PRKCA: variants seen among roughly 807,000 people sequenced by gnomAD.
PRKCA encodes the protein protein kinase C alpha.
Under a neutral mutation model 87.0 loss-of-function variants are expected in PRKCA, and 27 were observed. That is an observed-to-expected ratio of 0.31 (90% CI 0.23 to 0.43). The LOEUF is 0.43. Ranked by LOEUF, PRKCA falls within the 20% of genes least tolerant of loss-of-function variation. The pLI is 1.00. For synonymous variants in PRKCA, 329 were observed against 311.1 expected, an observed-to-expected ratio of 1.06 and a Z score of -0.61; for missense variants, 518 against 852.3, an observed-to-expected ratio of 0.61 and a Z score of 4.88.
At chr17:66,581,222 C>A (rs183315061) in intron 3 of PRKCA, among the ~76,000 whole-genome samples, 17 of 152,292 alleles carry the variant, frequency 1.1e-4, no homozygotes, top group African/African-American at 3.8e-4. Context: ...CAAGGGCCAG[C>A]TAGTAAATAT....
intron 2 of PRKCA, among the ~76,000 whole-genome samples, chr17:66,450,872 G>A (rs961940898): frequency 6.6e-6 from 1 of 152,142 alleles, no homozygotes; most frequent in African/African-American, 2.4e-5. Context: ...AAACATTTTG[G>A]TTTTTAACTT....
At chr17:66,344,087 A>G (rs1271288940) in intron 2 of PRKCA, among the ~76,000 whole-genome samples, 1 of 152,180 alleles carries the variant, frequency 6.6e-6, no homozygotes, top group Non-Finnish European at 1.5e-5. Context: ...ACCACTGACT[A>G]AGTATGTTCA....
chr17:66,461,436 T>C (rs1914849522), intron 2 of PRKCA, among the ~76,000 whole-genome samples: 1 of 152,118 alleles, frequency 6.6e-6, no homozygotes. Flanking sequence ...TGTTCTATAG[T>C]GGAGTGCCCG....
intron 3 of PRKCA, among the ~76,000 whole-genome samples, chr17:66,501,354 C>G (rs1373742327): frequency 3.3e-5 from 5 of 152,202 alleles, no homozygotes; most frequent in Admixed American, 6.5e-5. Context: ...CAAGGGTCCT[C>G]TGCCCCTTCT....
intron 3 of PRKCA, among the ~76,000 whole-genome samples, chr17:66,542,769 T>G (rs1968025662): frequency 6.6e-6 from 1 of 152,222 alleles, no homozygotes; most frequent in South Asian, 2.1e-4. Flanking sequence ...ATCTTGCTAT[T>G]AATGAGAAAG....
intron 4 of PRKCA, 90 bp from the exon 5 acceptor site, chr17:66,645,293 C>A: frequency 6.4e-7 from 1 of 1,571,550 alleles, no homozygotes; most frequent in Non-Finnish European, 8.7e-7. Context: ...GGGGGTAACT[C>A]ATTTTCACTT....
At chr17:66,522,007 T>C (rs1967175877) in intron 3 of PRKCA, among the ~76,000 whole-genome samples, 1 of 152,252 alleles carries the variant, frequency 6.6e-6, no homozygotes. Context: ...TTCTTCAGTC[T>C]GTGGTTCCCT....
At chr17:66,359,781 A>G (rs1003943981) in intron 2 of PRKCA, among the ~76,000 whole-genome samples, 1 of 152,246 alleles carries the variant, frequency 6.6e-6, no homozygotes, top group African/African-American at 2.4e-5. Flanking sequence ...TGTCGGGAAC[A>G]GAAAAGGATT....
At chr17:66,706,327 C>T (rs1973191221) in intron 8 of PRKCA, among the ~76,000 whole-genome samples, 1 of 152,264 alleles carries the variant, frequency 6.6e-6, no homozygotes, top group South Asian at 2.1e-4. Context: ...TTTGTATATA[C>T]AGTCTATGAG....
At chr17:66,581,086 A>G (rs1418330863) in intron 3 of PRKCA, among the ~76,000 whole-genome samples, 3 of 152,222 alleles carry the variant, frequency 2.0e-5, no homozygotes, top group Non-Finnish European at 4.4e-5. Flanking sequence ...AGTAATTAAA[A>G]TGACTGTGTT....
At chr17:66,725,913 A>T (rs62072408) in intron 8 of PRKCA, among the ~76,000 whole-genome samples, 4,752 of 151,682 alleles carry the variant, frequency 0.031, 92 homozygotes, top group Non-Finnish European at 0.049. Flanking sequence ...ATCCCAGGAG[A>T]CATGGGTGGG....
At chr17:66,485,685 A>G (rs1164502846) in intron 2 of PRKCA, among the ~76,000 whole-genome samples, 2 of 152,082 alleles carry the variant, frequency 1.3e-5, no homozygotes, top group Non-Finnish European at 2.9e-5. Flanking sequence ...GCAGACCTAC[A>G]TGCTTATAGA....
At chr17:66,536,041 T>C (rs1967768204) in intron 3 of PRKCA, among the ~76,000 whole-genome samples, 1 of 152,244 alleles carries the variant, frequency 6.6e-6, no homozygotes. Context: ...CTGATATTAA[T>C]GTACTCATAA....
chr17:66,314,526 A>G (rs919182633), intron 2 of PRKCA, among the ~76,000 whole-genome samples: 2 of 152,238 alleles, frequency 1.3e-5, no homozygotes, highest in Non-Finnish European at 2.9e-5. Context: ...AAGTCCATCA[A>G]GTAAGATTAG....
At chr17:66,700,745 G>A (rs1973039893) in intron 8 of PRKCA, among the ~76,000 whole-genome samples, 1 of 152,130 alleles carries the variant, frequency 6.6e-6, no homozygotes, top group Non-Finnish European at 1.5e-5. Context: ...AACCGAGGAG[G>A]TGAAATATCT....
chr17:66,506,337 C>CAT (rs1916978652), intron 3 of PRKCA, among the ~76,000 whole-genome samples: 1 of 151,244 alleles, frequency 6.6e-6, no homozygotes, highest in Non-Finnish European at 1.5e-5. Context: ...GCCTAGGCAA[C>CAT]ATAGCGAGAC....
intron 2 of PRKCA, among the ~76,000 whole-genome samples, chr17:66,478,490 G>A (rs763872000): frequency 2.6e-5 from 4 of 152,070 alleles, no homozygotes; most frequent in South Asian, 2.1e-4. Context: ...CTGACCTCAG[G>A]TGATCCACCC....
chr17:66,718,630 C>T (rs760076687), intron 8 of PRKCA, among the ~76,000 whole-genome samples: 5 of 152,140 alleles, frequency 3.3e-5, no homozygotes, highest in Non-Finnish European at 5.9e-5. Flanking sequence ...GCTTCCAAGG[C>T]CTCTTTTATA....
intron 2 of PRKCA, among the ~76,000 whole-genome samples, chr17:66,307,916 A>T (rs1904905967): frequency 6.6e-6 from 1 of 152,174 alleles, no homozygotes; most frequent in African/African-American, 2.4e-5. Context: ...TCACTCACAC[A>T]TACTTAGTTT....
Sources: allele counts gnomAD v4.1 joint callset (sites outside exome capture counted in the v4.1 genomes callset), GRCh38; gene constraint gnomAD v4.1.1; transcripts MANE v1.5; gene names NCBI Gene and HGNC (gene_info 2026-07-23, HGNC 2026-07-21).